RBFOX1: variants seen among roughly 807,000 people sequenced by gnomAD.
The protein encoded by RBFOX1 is RNA binding protein fox-1 homolog 1.
RBFOX1 carries 8 observed loss-of-function variants against 57.7 expected under a neutral mutation model. The ratio of observed to expected loss-of-function variants is 0.14; its 90% CI spans 0.08 to 0.25. The LOEUF (loss-of-function observed/expected upper bound fraction) is 0.25. RBFOX1 is among the 10% of genes least tolerant of loss of function. The pLI, the probability that RBFOX1 is intolerant of heterozygous loss-of-function variation, is 1.00. For missense variants in RBFOX1, 611 were observed against 548.5 expected (o/e 1.11, Z -1.14); for synonymous variants, 326 against 222.4 (o/e 1.47, Z -4.15).
intron 3 of RBFOX1, among the ~76,000 whole-genome samples, chr16:7,007,771 A>T (rs1468748943): frequency 2.0e-5 from 3 of 152,148 alleles, no homozygotes; most frequent in Non-Finnish European, 4.4e-5. Context: ...GGTCCTTAGA[A>T]ACTGTGAGGA....
At chr16:7,273,125 TTTCC>T in intron 4 of RBFOX1, among the ~76,000 whole-genome samples, 1 of 109,410 alleles carries the variant, frequency 9.1e-6, no homozygotes, top group African/African-American at 3.9e-5. Context: ...TCTCCCTCCC[TTTCC>T]TCCTTCCCTG....
intron 1 of RBFOX1, among the ~76,000 whole-genome samples, chr16:6,183,276 C>G (rs954697491): frequency 2.6e-5 from 4 of 151,758 alleles, no homozygotes; most frequent in African/African-American, 4.8e-5. Flanking sequence ...GTCAGGAGAT[C>G]GAGACCATCC....
intron 1 of RBFOX1, among the ~76,000 whole-genome samples, chr16:5,291,388 G>C (rs1247766499): frequency 6.8e-6 from 1 of 147,504 alleles, no homozygotes. Context: ...TCAGCCTCCC[G>C]AGTAGCTGGG....
rs187187828 is a variant in RBFOX1, at chr16:7,203,154, A to G, written c.27+151056A>G. 3.6e-4 allele frequency among the ~76,000 whole-genome samples: 55 copies of G among 152,326 alleles called. No homozygotes were observed. The East Asian group carries it at 9.3e-3, about 26-fold the overall frequency. On this transcript the variant is annotated intron_variant, in intron 4 of 15. Transcript: ENST00000550418. ...GGACTAATACAAGTGTTTATCAATG[A>G]TGAACAGATAAGCAAAATGTGATAC...
intron 3 of RBFOX1, among the ~76,000 whole-genome samples, chr16:5,806,864 A>G (rs1012513683): frequency 2.0e-5 from 3 of 152,162 alleles, no homozygotes; most frequent in African/African-American, 4.8e-5. Context: ...TCCTTGGCCC[A>G]CTGATGTTCC....
At chr16:6,539,443 C>T (rs552444994) in intron 2 of RBFOX1, among the ~76,000 whole-genome samples, 2 of 152,292 alleles carry the variant, frequency 1.3e-5, no homozygotes, top group South Asian at 2.1e-4. Context: ...ATGGTTACTT[C>T]TGTCCTAGTT....
chr16:7,273,208 T>TCCTC (rs1274305848), intron 4 of RBFOX1, among the ~76,000 whole-genome samples: 1,846 of 75,870 alleles, frequency 0.024, 153 homozygotes, highest in African/African-American at 0.042. Context: ...CTCCCTCCCT[T>TCCTC]CCTTCCTTCC....
At chr16:6,503,739 C>G (rs1014590) in intron 2 of RBFOX1, among the ~76,000 whole-genome samples, 5,952 of 152,198 alleles carry the variant, frequency 0.039, 390 homozygotes, top group African/African-American at 0.14. Context: ...TGGACCAAAT[C>G]AAGACACACA....
chr16:7,311,960 C>G (rs779458788), intron 4 of RBFOX1, among the ~76,000 whole-genome samples: 10 of 152,120 alleles, frequency 6.6e-5, no homozygotes, highest in Non-Finnish European at 1.5e-4. Flanking sequence ...TTAATTGCTC[C>G]TTCAGAAAAA....
chr16:7,035,353 C>G (rs1011389821), intron 3 of RBFOX1, among the ~76,000 whole-genome samples: 1 of 152,116 alleles, frequency 6.6e-6, no homozygotes, highest in African/African-American at 2.4e-5. Context: ...TCCACAGTTC[C>G]CTGTGATTAT....
intron 4 of RBFOX1, among the ~76,000 whole-genome samples, chr16:7,466,792 T>C (rs1162042718): frequency 6.6e-6 from 1 of 152,200 alleles, no homozygotes; most frequent in Non-Finnish European, 1.5e-5. Context: ...AACAAGCTGC[T>C]CTGATTATAT....
chr16:7,312,548 A>T (rs1033474091), intron 4 of RBFOX1, among the ~76,000 whole-genome samples: 1 of 152,036 alleles, frequency 6.6e-6, no homozygotes, highest in South Asian at 2.1e-4. Flanking sequence ...CTTGGGTGTC[A>T]CTCCGGGTCT....
intron 4 of RBFOX1, among the ~76,000 whole-genome samples, chr16:7,448,922 C>A (rs376091585): frequency 1.1e-5 from 1 of 93,234 alleles, no homozygotes; most frequent in Non-Finnish European, 2.1e-5. Flanking sequence ...ATTTTTCTTT[C>A]CCCTGTTTTT....
chr16:6,639,546 C>T (rs1484292634), intron 2 of RBFOX1, among the ~76,000 whole-genome samples: 1 of 152,100 alleles, frequency 6.6e-6, no homozygotes, highest in Non-Finnish European at 1.5e-5. Flanking sequence ...TAAAATTATA[C>T]AAATACACAA....
At chr16:7,103,000 C>T (rs1403342994) in intron 4 of RBFOX1, among the ~76,000 whole-genome samples, 1 of 151,740 alleles carries the variant, frequency 6.6e-6, no homozygotes, top group South Asian at 2.1e-4. Flanking sequence ...CACACACACA[C>T]ACATTTAGAC....
chr16:7,068,373 T>C (rs376901530), intron 4 of RBFOX1, among the ~76,000 whole-genome samples: 1 of 152,146 alleles, frequency 6.6e-6, no homozygotes, highest in Admixed American at 6.6e-5. Flanking sequence ...ATATAAAATA[T>C]AGAAAGTCAG....
In RBFOX1 at chr16:6,066,293, C is replaced by CAAAAAAAAAAAAAAAA. The variant is rs372412356; in HGVS notation, c.-127+46313_-127+46328dup. Among the ~76,000 whole-genome samples, 26 of 50,386 alleles carry CAAAAAAAAAAAAAAAA rather than the reference C, an allele frequency of 5.2e-4. 1 individual carries two copies. The highest frequency in any genetic ancestry group is 1.7e-3 in the African/African-American group (12 of 6,996). The allele number at this position is 50,386 out of a possible 152,430, so 33.1% of individuals were successfully genotyped here. A position where few individuals can be genotyped will look rare whatever the true frequency, so the allele number is the denominator to read the frequency against. ...CTGACTACAGAGCAAGACTCTGTCT[C>CAAAAAAAAAAAAAAAA]AAAAAAAAAAAAAAAAAAAAAAAAA... On this transcript the variant is annotated intron_variant, in intron 1 of 15. Coordinates refer to ENST00000550418, the MANE Select transcript of RBFOX1 (RefSeq NM_018723.4).
intron 1 of RBFOX1, among the ~76,000 whole-genome samples, chr16:5,456,314 G>A (rs372519936): frequency 1.1e-3 from 173 of 152,208 alleles, no homozygotes; most frequent in African/African-American, 3.8e-3. Context: ...GTTGTGTTGG[G>A]TTTTTTGACT....
intron 4 of RBFOX1, chr16:7,304,189 A>G (rs1334172533): frequency 2.1e-6 from 2 of 969,452 alleles, no homozygotes; most frequent in Admixed American, 6.8e-5. Context: ...AGGAGGAAAG[A>G]GGGGGAGAGA....
Sources: gnomAD v4.1 joint callset for allele counts (sites outside exome capture counted in the v4.1 genomes callset) on GRCh38, gnomAD v4.1.1 for gene constraint, MANE v1.5 for transcripts, NCBI Gene and HGNC (gene_info 2026-07-23, HGNC 2026-07-21) for gene names.